The following UBR4 variants were observed in gnomAD, a reference collection of about 807,000 sequenced individuals.
The protein encoded by UBR4 is E3 ubiquitin-protein ligase UBR4.
UBR4 carries 124 observed loss-of-function variants against 575.6 expected under a neutral mutation model. The ratio of observed to expected loss-of-function variants is 0.22; its 90% CI spans 0.19 to 0.25. The LOEUF (loss-of-function observed/expected upper bound fraction) is 0.25, where lower values mean the gene tolerates loss of function less well. UBR4 is among the 10% of genes least tolerant of loss of function. The probability of loss-of-function intolerance (pLI) is 1.00; values close to 1 mark genes in which losing one functional copy is unlikely to be tolerated. For synonymous variants in UBR4, 2,455 were observed against 2,473.7 expected (o/e 0.99, Z 0.22); for missense variants, 4,818 against 6,478.8 (o/e 0.74, Z 8.80).
At chr1:19,132,605 T>TAAAAAAAAAAAAAAAAAAAAATAAA in intron 60 of UBR4, among the ~76,000 whole-genome samples, 1 of 24,134 alleles carries the variant, frequency 4.1e-5, no homozygotes, top group African/African-American at 2.3e-4. Context: ...TAAAAAATGG[T>TAAAAAAAAAAAAAAAAAAAAATAAA]AAAAAAAAAA....
Position 19,120,309 on chromosome 1 carries a change from G to C in UBR4, c.10181C>G (p.Ala3394Gly). Residue 3394 changes from alanine to glycine, a missense_variant, in exon 69 of 106, where the codon GCT (alanine) becomes GGT (glycine). Transcript: ENST00000375254. The part of the protein sequence containing the change: ...SGSQEDQLCT[A>G]LVNQLNKFAD... Reference sequence around the variant, plus strand: ...AAATTTGTTCAGCTGGTTCACCAGAGCTGTGCACAGCTGGTCCTCCTGGCT... The same window carrying C: ...AAATTTGTTCAGCTGGTTCACCAGACCTGTGCACAGCTGGTCCTCCTGGCT... The C allele has an allele frequency of 6.2e-7, 1 of 1,614,178 alleles. No individual in the cohort carries two copies. Among genetic ancestry groups the C allele is most frequent in the Non-Finnish European group, 8.5e-7 (1 of 1,180,022 alleles).
At chr1:19,187,646 C>T in intron 11 of UBR4, 106 bp from the exon 12 acceptor site, 1 of 1,017,334 alleles carries the variant, frequency 9.8e-7, no homozygotes, top group Non-Finnish European at 1.4e-6. Context: ...CCCTTTCAGA[C>T]TCTGTGGACC....
At chr1:19,107,620 A>G (rs75764171) in intron 81 of UBR4, among the ~76,000 whole-genome samples, 1,568 of 152,116 alleles carry the variant, frequency 0.01, 25 homozygotes, top group African/African-American at 0.035. Flanking sequence ...CCATTTCGAT[A>G]CAAAATACAA....
chr1:19,132,630 G>C (rs199512938), intron 60 of UBR4, among the ~76,000 whole-genome samples: 525 of 36,778 alleles, frequency 0.014, 4 homozygotes, highest in Non-Finnish European at 0.022. Context: ...AAAAAAGTAA[G>C]TAAAAGAAAG....
intron 27 of UBR4, among the ~76,000 whole-genome samples, chr1:19,168,875 G>A (rs1439817021): frequency 6.6e-6 from 1 of 152,072 alleles, no homozygotes; most frequent in Non-Finnish European, 1.5e-5. Flanking sequence ...CTACTCGGGA[G>A]GCTGAGGCAG....
In UBR4 at chr1:19,154,963, C is replaced by G. The variant is rs767209207; in HGVS notation, c.6413G>C (p.Arg2138Thr). 1 of 1,614,090 alleles carries G rather than the reference C, an allele frequency of 6.2e-7. No individual in the cohort carries two copies. The highest frequency in any genetic ancestry group is 8.5e-7 in the Non-Finnish European group (1 of 1,179,994). ...GAGTTGCAACACCTCCAGGGTTGTC[C>G]TGCTGATGGTGGCTGCGAATGATTT... ...QGKSFAATIS[R>T]TTLEVLQLFP... Residue 2138 changes from arginine to threonine, a missense_variant, in exon 44 of 106, where the codon AGG becomes ACG. Transcript: ENST00000375254.
chr1:19,115,676 C>A (rs2080431391), intron 73 of UBR4, 39 bp from the exon 74 acceptor site: 1 of 1,609,510 alleles, frequency 6.2e-7, no homozygotes, highest in South Asian at 1.1e-5. Context: ...TCTCATCTAA[C>A]CCTCAGTGAT....
At chr1:19,131,440 TTAATTTAAAACCACTA>T in intron 60 of UBR4, among the ~76,000 whole-genome samples, 1 of 152,090 alleles carries the variant, frequency 6.6e-6, no homozygotes, top group African/African-American at 2.4e-5. Context: ...TGAAAAAAGG[TTAATTTAAAACCACTA>T]TAGAGAATTC....
chr1:19,117,204 G>C lies in UBR4; in HGVS notation c.10823+17C>G. Reference sequence around the variant, plus strand: ...CTTACAACCTGCTGCCCCTCCCGAGGCCTAAAAAGCCCGTACTTGTTTTTC... The same window carrying C: ...CTTACAACCTGCTGCCCCTCCCGAGCCCTAAAAAGCCCGTACTTGTTTTTC... On this transcript the variant is annotated intron_variant, in intron 73 of 105. Transcript: ENST00000375254. This position sits in a 1 kb window ranked among gnomAD's most constrained non-coding sequence, Gnocchi z 4.0. 1 of 1,608,836 alleles carries C rather than the reference G, an allele frequency of 6.2e-7. No individual in the cohort carries two copies. The highest frequency in any genetic ancestry group is 8.5e-7 in the Non-Finnish European group (1 of 1,176,130).
chr1:19,086,965 T>C, intron 99 of UBR4, 144 bp from the exon 100 acceptor site: 1 of 1,163,900 alleles, frequency 8.6e-7, no homozygotes, highest in African/African-American at 1.5e-5. Flanking sequence ...GAAGAGCAGG[T>C]AAGGCCAGCC....
intron 14 of UBR4, among the ~76,000 whole-genome samples, chr1:19,186,103 T>C (rs990953542): frequency 6.6e-6 from 1 of 152,200 alleles, no homozygotes; most frequent in Non-Finnish European, 1.5e-5. Flanking sequence ...CAGGAGGGCA[T>C]GCCAGTGGGT....
Position 19,167,145 on chromosome 1 carries a change from A to G in UBR4, c.3986T>C (p.Ile1329Thr). The change falls in exon 29 of 106, where the codon ATC becomes ACC. Residue 1329 changes from isoleucine (I) to threonine (T), a missense_variant. By Grantham distance (89) the Ile-to-Thr change is moderately conservative. This residue lies in a region of UBR4 where 1,172 missense variants were observed against 1,259.7 expected (regional missense o/e 0.93). Coordinates refer to ENST00000375254, the MANE Select transcript of UBR4 (RefSeq NM_020765.3). ...GATGCGTTCCAGGGAGTTGCTACTGATCTCGGCAACACTCTCAGTGCTTGA... is the reference window on the plus strand; with the variant it reads ...GATGCGTTCCAGGGAGTTGCTACTGGTCTCGGCAACACTCTCAGTGCTTGA... ...LESSTESVAE[I>T]SSNSLERILG... 1 of 1,614,192 alleles carries G rather than the reference A, an allele frequency of 6.2e-7. No individual in the cohort carries two copies. The highest frequency in any genetic ancestry group is 8.5e-7 in the Non-Finnish European group (1 of 1,180,038).
At chr1:19,166,374 T>A (rs577450876) in intron 29 of UBR4, among the ~76,000 whole-genome samples, 99 of 152,288 alleles carry the variant, frequency 6.5e-4, no homozygotes, top group African/African-American at 2.2e-3. Context: ...TTCAGTGAGC[T>A]CCTCTGTCCA....
intron 49 of UBR4, among the ~76,000 whole-genome samples, chr1:19,149,532 AAG>A (rs1042338503): frequency 1.3e-5 from 2 of 152,170 alleles, no homozygotes; most frequent in Non-Finnish European, 2.9e-5. Context: ...TAGGGTAAGG[AAG>A]AGAGAGTTGA....
intron 33 of UBR4, 72 bp downstream of exon 33, chr1:19,164,181 T>C: frequency 6.6e-7 from 1 of 1,513,380 alleles, no homozygotes; most frequent in Non-Finnish European, 8.9e-7. Flanking sequence ...GTACTCACTT[T>C]GAGCTATAAA....
rs750979993 is a variant in UBR4 at position 19,199,749 on chromosome 1, G to A, written c.280C>T (p.Arg94Trp). 7.4e-6 allele frequency: 12 copies of A among 1,613,798 alleles called. No homozygotes were observed. Among genetic ancestry groups the A allele is most frequent in the Middle Eastern group, 1.6e-4 (1 of 6,080 alleles). The part of the protein sequence containing the change: ...YITTVCSLIP[R>W]NQLQSVAAAC... ...GCTGCCACTGACTGAAGTTGGTTCC[G>A]GGGAACTGAGAAAGTAATAAACATT... Residue 94 changes from arginine (R) to tryptophan (W), a missense_variant, in exon 3 of 106, where the codon CGG (arginine) becomes TGG (tryptophan). Coordinates refer to ENST00000375254, the MANE Select transcript of UBR4 (RefSeq NM_020765.3).
At chr1:19,162,336 G>C (rs2087516502) in intron 35 of UBR4, 84 bp downstream of exon 35, 1 of 1,486,298 alleles carries the variant, frequency 6.7e-7, no homozygotes, top group Admixed American at 2.2e-5. Flanking sequence ...CTCACAGGAG[G>C]CTGGAAAACA....
chr1:19,099,976 C>A, intron 89 of UBR4: 1 of 447,738 alleles, frequency 2.2e-6, no homozygotes, highest in Non-Finnish European at 4.0e-6. Flanking sequence ...GTAAAAATGT[C>A]AGACCCTCAA....
chr1:19,126,343 A>C (rs564223421), intron 64 of UBR4, 103 bp downstream of exon 64: 28 of 1,392,990 alleles, frequency 2.0e-5, no homozygotes, highest in Non-Finnish European at 2.8e-5. Context: ...GCTCCTTCCT[A>C]TGGCTCTTCA....
Sources: gnomAD v4.1 joint callset for allele counts (sites outside exome capture counted in the v4.1 genomes callset) on GRCh38, gnomAD v4.1.1 for gene constraint, gnomAD v4.1.1 regional missense constraint, Gnocchi (gnomAD v3.1) non-coding constraint, MANE v1.5 for transcripts, NCBI Gene and HGNC (gene_info 2026-07-23, HGNC 2026-07-21) for gene names.